The following SETDB2 variants were observed in gnomAD, a reference collection of about 807,000 sequenced individuals.
SETDB2 encodes histone-lysine N-methyltransferase SETDB2.
A neutral mutation model predicts 82.5 loss-of-function variants in SETDB2; 56 were observed. The ratio of observed to expected loss-of-function variants is 0.68; its 90% CI spans 0.55 to 0.85. The LOEUF is 0.85. Ranked by LOEUF, SETDB2 falls within the 40% of genes least tolerant of loss-of-function variation. The pLI, the probability that SETDB2 is intolerant of heterozygous loss-of-function variation, is 0.00. For missense variants in SETDB2, 677 were observed against 816.4 expected (o/e 0.83, Z 2.08); for synonymous variants, 272 against 284.9 (o/e 0.95, Z 0.46).
At chr13:49,480,394 T>A in intron 7 of SETDB2, 59 bp downstream of exon 7, 1 of 1,020,046 alleles carries the variant, frequency 9.8e-7, no homozygotes, top group South Asian at 1.8e-5. Context: ...GGGTACTTTT[T>A]ATTGTGGTCC....
chr13:49,451,456 A>G (rs1414870303), intron 1 of SETDB2, 97 bp from the exon 2 acceptor site: 2 of 135,708 alleles, frequency 1.5e-5, no homozygotes, highest in African/African-American at 5.6e-5. Flanking sequence ...TGTTATAACA[A>G]TATCTTATTT....
In SETDB2 at chr13:49,451,563, C is replaced by G. The variant is rs2138817732; in HGVS notation, c.-331C>G. 1 of 157,430 alleles carries G rather than the reference C, an allele frequency of 6.4e-6. No homozygotes were observed. The highest frequency in any genetic ancestry group is 1.4e-5 in the Non-Finnish European group (1 of 72,818). 9.8% of individuals were successfully genotyped at this position (157,430 alleles called of 1,614,324 possible). On this transcript the variant is annotated 5_prime_UTR_variant, in exon 2 of 14. The change creates a new upstream start codon in the 5' untranslated region. Coordinates refer to ENST00000611815, the MANE Select transcript of SETDB2 (RefSeq NM_001160308.3). ...TTGTTTTCCTTACAGAATGTTTCAT[C>G]CATTTGTGGACCAAAAGATGGAGTT...
Position 49,444,636 on chromosome 13 carries a change from CT to C in SETDB2, c.-561del. ...CTGGACCCCAGCCCTTGCAGCCTCC[CT>C]TCTCCTGGCACCCAAGTGCAGTCCT... On this transcript the variant is annotated 5_prime_UTR_variant, in exon 1 of 14. Coordinates refer to ENST00000611815, the MANE Select transcript of SETDB2 (RefSeq NM_001160308.3). 6.4e-6 allele frequency: 1 copy of C among 155,284 alleles called. No homozygotes were observed. The highest frequency in any genetic ancestry group is 1.4e-5 in the Non-Finnish European group (1 of 69,558). The allele number at this position is 155,284 out of a possible 1,614,324, so 9.6% of individuals were successfully genotyped here.
intron 5 of SETDB2, among the ~76,000 whole-genome samples, chr13:49,468,885 A>G (rs878991915): frequency 6.6e-6 from 1 of 151,868 alleles, no homozygotes; most frequent in Non-Finnish European, 1.5e-5. Context: ...TTTTTTTTCT[A>G]GAAATTCTGA....
chr13:49,451,648 A>C lies in SETDB2; in HGVS notation c.-246A>C. 2.9e-6 allele frequency: 1 copy of C among 345,844 alleles called. No individual in the cohort carries two copies. The allele number at this position is 345,844 out of a possible 1,614,324, so 21.4% of individuals were successfully genotyped here. A position where few individuals can be genotyped will look rare whatever the true frequency, so the allele number is the denominator to read the frequency against. On this transcript the variant is annotated 5_prime_UTR_variant, in exon 2 of 14. Transcript: ENST00000611815. ...TGATACCACTACAAATATTTACGTG[A>C]GAAGATTCATGGACTTGTCTTTTGG...
chr13:49,466,174 C>G (rs1292886755), intron 4 of SETDB2, among the ~76,000 whole-genome samples: 1 of 152,070 alleles, frequency 6.6e-6, no homozygotes, highest in Non-Finnish European at 1.5e-5. Flanking sequence ...TGTCTCAGGC[C>G]TATAATCCCA....
At chr13:49,480,025 ATTAT>A (rs1245946989) in intron 6 of SETDB2, among the ~76,000 whole-genome samples, 190 bp from the exon 7 acceptor site, 2 of 152,220 alleles carry the variant, frequency 1.3e-5, no homozygotes, top group African/African-American at 2.4e-5. Flanking sequence ...GCAGTTTATA[ATTAT>A]TTATAAACTT....
At chr13:49,450,114 CTT>C (rs1957759751) in intron 1 of SETDB2, among the ~76,000 whole-genome samples, 1 of 152,128 alleles carries the variant, frequency 6.6e-6, no homozygotes, top group South Asian at 2.1e-4. Flanking sequence ...ACATCTAAGA[CTT>C]TGTGTTTTTG....
intron 10 of SETDB2, 27 bp from the exon 11 acceptor site, chr13:49,485,603 T>G: frequency 1.3e-6 from 2 of 1,586,736 alleles, no homozygotes; most frequent in Non-Finnish European, 1.7e-6. Flanking sequence ...ACCTGGAAAG[T>G]AAAGACATCT....
intron 2 of SETDB2, among the ~76,000 whole-genome samples, 154 bp downstream of exon 2, chr13:49,452,063 TTGAC>T (rs1957795542): frequency 6.6e-6 from 1 of 152,148 alleles, no homozygotes; most frequent in African/African-American, 2.4e-5. Context: ...GCCACCAATT[TTGAC>T]TGTCTTTATC....
At chr13:49,488,765 G>A in intron 12 of SETDB2, 135 bp downstream of exon 12, 1 of 679,154 alleles carries the variant, frequency 1.5e-6, no homozygotes, top group Non-Finnish European at 2.4e-6. Flanking sequence ...CTTGTATACA[G>A]TTGGATGTTT....
chr13:49,459,705 G>T lies in SETDB2; in HGVS notation c.17-402G>T, dbSNP rs553787469. Among the ~76,000 whole-genome samples the T allele has an allele frequency of 3.3e-5, 5 of 152,076 alleles. No individual in the cohort carries two copies. In the South Asian group the frequency reaches 1.0e-3, roughly 32 times the overall value. On this transcript the variant is annotated intron_variant, in intron 2 of 13. Coordinates refer to ENST00000611815, the MANE Select transcript of SETDB2 (RefSeq NM_001160308.3). ...GACTTTTTTAAAAAGCAGTATTGTT[G>T]GACATTTAGTTATTTCAGCAGCCAT...
intron 6 of SETDB2, among the ~76,000 whole-genome samples, chr13:49,477,313 A>G (rs1958387849): frequency 1.3e-5 from 2 of 152,038 alleles, no homozygotes; most frequent in African/African-American, 4.8e-5. Context: ...GTGTGCATCT[A>G]TAGTCCCAGC....
intron 2 of SETDB2, 103 bp from the exon 3 acceptor site, chr13:49,460,004 T>G: frequency 8.2e-7 from 1 of 1,221,746 alleles, no homozygotes; most frequent in Non-Finnish European, 1.1e-6. Context: ...AGATGAGTCT[T>G]GATCTTGTTT....
rs1958764754 is a variant in SETDB2, at chr13:49,494,275, A to G, written c.*2426A>G. On this transcript the variant is annotated 3_prime_UTR_variant, in exon 14 of 14. Transcript: ENST00000611815. ...TGGTTGCAGTATTTTATCTCCTTGA[A>G]GATGTTTGTGTGTTTATGTATGTAT... 1 of 152,024 alleles carries G rather than the reference A, an allele frequency of 6.6e-6. No homozygotes were observed. The highest frequency in any genetic ancestry group is 1.5e-5 in the Non-Finnish European group (1 of 68,016). The allele number at this position is 152,024 out of a possible 1,614,324, so 9.4% of individuals were successfully genotyped here. A position where few individuals can be genotyped will look rare whatever the true frequency, so the allele number is the denominator to read the frequency against.
chr13:49,444,751 C>G lies in SETDB2; in HGVS notation c.-448C>G, dbSNP rs989553791. ...GGTGCAGCCTTAATGAGAGGTGATT[C>G]CTAAGCTGCTGGGAACCTGAGGTTG... On this transcript the variant is annotated 5_prime_UTR_variant, in exon 1 of 14. Transcript: ENST00000611815. The G allele has an allele frequency of 6.6e-6, 1 of 152,394 alleles. No individual in the cohort carries two copies. Among genetic ancestry groups the G allele is most frequent in the East Asian group, 1.9e-4 (1 of 5,200 alleles). 9.4% of individuals were successfully genotyped at this position (152,394 alleles called of 1,614,324 possible).
chr13:49,480,231 A>C lies in SETDB2; in HGVS notation c.882A>C (p.Ala294=), dbSNP rs758793697. Reference sequence around the variant, plus strand: ...GCCTGCCTTTTAGAACAAAATGTGCATGTCTTCAACTGACAGCAAGGAATG... The same window carrying C: ...GCCTGCCTTTTAGAACAAAATGTGCCTGTCTTCAACTGACAGCAAGGAATG... ...SEGCIDITKC[A]CLQLTARNAK... is the part of the protein sequence containing the mutation. The change falls in exon 7 of 14, where the codon GCA becomes GCC. Residue 294 remains alanine, a synonymous_variant. Transcript: ENST00000611815. The C allele has an allele frequency of 6.2e-7, 1 of 1,605,998 alleles. No homozygotes were observed. Among genetic ancestry groups the C allele is most frequent in the South Asian group, 1.1e-5 (1 of 89,240 alleles).
chr13:49,467,905 A>G lies in SETDB2; in HGVS notation c.250A>G (p.Asn84Asp), dbSNP rs1173046852. The G allele has an allele frequency of 1.9e-6, 3 of 1,611,564 alleles. No individual in the cohort carries two copies. In the African/African-American group the frequency reaches 4.0e-5, roughly 22 times the overall value. The change falls in exon 5 of 14, where the codon AAT becomes GAT. Residue 84 changes from asparagine to aspartate, a missense_variant. By Grantham distance (23) the Asn-to-Asp change is conservative. Coordinates refer to ENST00000611815, the MANE Select transcript of SETDB2 (RefSeq NM_001160308.3). The stretch of plus-strand genomic sequence containing the variant: ...TCAGAAGGAACAGGAAAACAAATCC[A>G]ATGCATTTCCCTCTACATCATGTGA... ...VTQKEQENKSNAFPSTSCENS... is the reference protein window; with the variant it reads ...VTQKEQENKSDAFPSTSCENS...
At chr13:49,447,467 T>G (rs1208097101) in intron 1 of SETDB2, among the ~76,000 whole-genome samples, 1 of 152,134 alleles carries the variant, frequency 6.6e-6, no homozygotes, top group Non-Finnish European at 1.5e-5. Flanking sequence ...ATAAAAATTC[T>G]CCGAATGTTT....
Sources: allele counts gnomAD v4.1 joint callset (sites outside exome capture counted in the v4.1 genomes callset), GRCh38; gene constraint gnomAD v4.1.1; transcripts MANE v1.5; gene names NCBI Gene and HGNC (gene_info 2026-07-23, HGNC 2026-07-21).